SFTPA2: variants seen among roughly 807,000 people sequenced by gnomAD.
SFTPA2 encodes surfactant protein A2.
Under a neutral mutation model 20.3 loss-of-function variants are expected in SFTPA2, and 21 were observed. The observed-to-expected ratio is 1.03, with a 90% CI of 0.73 to 1.49. The LOEUF (loss-of-function observed/expected upper bound fraction) is 1.49, where lower values mean the gene tolerates loss of function less well. Among genes scored for constraint, SFTPA2 ranks in the 40% most tolerant of loss-of-function variants. The probability of loss-of-function intolerance (pLI) is 0.00; values close to 1 mark genes in which losing one functional copy is unlikely to be tolerated. For synonymous variants in SFTPA2, 116 were observed against 118.7 expected (o/e 0.98, Z 0.15); for missense variants, 302 against 314.8 (o/e 0.96, Z 0.31).
intron 4 of SFTPA2, 69 bp downstream of exon 4, chr10:79,558,817 A>AT (rs1164717841): frequency 8.1e-6 from 13 of 1,610,756 alleles, no homozygotes; most frequent in Admixed American, 1.7e-5. Flanking sequence ...GACCCCCATC[A>AT]CCCCTGTGTA....
chr10:79,558,819 C>A, intron 4 of SFTPA2, 67 bp downstream of exon 4: 5 of 1,611,102 alleles, frequency 3.1e-6, no homozygotes, highest in Non-Finnish European at 4.2e-6. Flanking sequence ...CCCCCATCAC[C>A]CCTGTGTAAC....
At chr10:79,559,290 G>A (rs1266608994) in intron 3 of SFTPA2, 22 bp downstream of exon 3, 7 of 1,613,478 alleles carry the variant, frequency 4.3e-6, no homozygotes, top group Admixed American at 1.7e-5. Context: ...CTCAGCTGAG[G>A]GTGGGGTCTG....
intron 3 of SFTPA2, 64 bp downstream of exon 3, chr10:79,559,248 C>T (rs992952944): frequency 1.1e-4 from 175 of 1,609,766 alleles, no homozygotes; most frequent in Non-Finnish European, 1.4e-4. Flanking sequence ...GGGGCCTGGA[C>T]AGATGGGCCT....
chr10:79,558,312 C>G (rs1055158400), intron 4 of SFTPA2, 183 bp from the exon 5 acceptor site: 1 of 943,496 alleles, frequency 1.1e-6, no homozygotes, highest in Admixed American at 6.2e-5. Flanking sequence ...CCGTGGTCCC[C>G]TATTCTTTAG....
chr10:79,557,337 T>G lies in SFTPA2; in HGVS notation c.619A>C (p.Asn207His). The change falls in exon 6 of 6, where the codon AAC (asparagine) becomes CAC (histidine). Residue 207 changes from asparagine to histidine, a missense_variant. Asn to His is a moderately conservative substitution (Grantham distance 68). Coordinates refer to ENST00000372325, the MANE Select transcript of SFTPA2 (RefSeq NM_001098668.4). Reference sequence around the variant, plus strand: ...TCCCCTCGGTACCAGTTGGTGTAGTTTACAGGGGTCCCATCTGAGTAGCGG... The same window carrying G: ...TCCCCTCGGTACCAGTTGGTGTAGTGTACAGGGGTCCCATCTGAGTAGCGG... ...DFRYSDGTPV[N>H]YTNWYRGEPA... 2.5e-6 allele frequency: 4 copies of G among 1,614,182 alleles called. No individual in the cohort carries two copies. The highest frequency in any genetic ancestry group is 3.4e-6 in the Non-Finnish European group (4 of 1,180,032).
chr10:79,557,290 C>T lies in SFTPA2; in HGVS notation c.666G>A (p.Glu222=). ...YRGEPAGRGK[E]QCVEMYTDGQ... ...CATCTGTGTACATCTCCACACACTGCTCTTTTCCCCGACCTGCAGGCTCCC... is the reference window on the plus strand; with the variant it reads ...CATCTGTGTACATCTCCACACACTGTTCTTTTCCCCGACCTGCAGGCTCCC... Residue 222 remains glutamate, a synonymous_variant, in exon 6 of 6, where the codon GAG becomes GAA. Coordinates refer to ENST00000372325, the MANE Select transcript of SFTPA2 (RefSeq NM_001098668.4). 3.1e-6 allele frequency: 5 copies of T among 1,614,188 alleles called. No individual in the cohort carries two copies. The highest frequency in any genetic ancestry group is 4.2e-6 in the Non-Finnish European group (5 of 1,180,030).
At position 79,556,960 on chromosome 10, in the gene SFTPA2, G is replaced by C. The variant is rs1687720080; in HGVS notation, c.*249C>G. ...GCCTCCATCTCATGCCAAAGGCCAA[G>C]GCTAGGAGTGGCTGCCTGGGGTGCA... On this transcript the variant is annotated 3_prime_UTR_variant, in exon 6 of 6. Transcript: ENST00000372325. 6.3e-6 allele frequency: 4 copies of C among 634,218 alleles called. No homozygotes were observed. The highest frequency in any genetic ancestry group is 8.0e-6 in the Non-Finnish European group (3 of 372,722). The allele number at this position is 634,218 out of a possible 1,614,324, so 39.3% of individuals were successfully genotyped here.
chr10:79,558,435 C>G (rs1858939684), intron 4 of SFTPA2, among the ~76,000 whole-genome samples: 1 of 152,122 alleles, frequency 6.6e-6, no homozygotes, highest in Non-Finnish European at 1.5e-5. Context: ...GCACCCTCCA[C>G]CAAGGGCAAG....
In SFTPA2 at chr10:79,558,979, G is replaced by A. The variant is rs1859003362; in HGVS notation, c.199C>T (p.Pro67Ser). Residue 67 changes from proline to serine, a missense_variant, in exon 4 of 6, where the codon CCA becomes TCA. By Grantham distance (74) the Pro-to-Ser change is moderately conservative (BLOSUM62 -1). Coordinates refer to ENST00000372325, the MANE Select transcript of SFTPA2 (RefSeq NM_001098668.4). ...PGPMGPPGET[P>S]CPPGNNGLPG... ...AGCCCATTATTCCCAGGAGGACATG[G>A]TGTTTCTCCAGGCGGACCCATGGGG... 2 of 1,614,172 alleles carry A rather than the reference G, an allele frequency of 1.2e-6. No individual in the cohort carries two copies. The highest frequency in any genetic ancestry group is 1.6e-4 in the Middle Eastern group (1 of 6,062).
Position 79,557,252 on chromosome 10 carries a change from T to G in SFTPA2, c.704A>C (p.Asp235Ala), listed in dbSNP as rs1278409724. The change falls in exon 6 of 6, where the codon GAC becomes GCC. Residue 235 changes from aspartate (D) to alanine (A), a missense_variant. Physicochemically the swap from Asp to Ala is moderately radical, Grantham distance 126. Around this residue, in one of 3 missense-constraint regions of SFTPA2, gnomAD observed 264 missense variants for 261.7 expected, o/e 1.01. Coordinates refer to ENST00000372325, the MANE Select transcript of SFTPA2 (RefSeq NM_001098668.4). The part of the protein sequence containing the change: ...VEMYTDGQWN[D>A]RNCLYSRLTI... The stretch of plus-strand genomic sequence containing the variant: ...CAGTCGGGAGTACAGGCAGTTCCTG[T>G]CATTCCACTGCCCATCTGTGTACAT... 1.2e-6 allele frequency: 2 copies of G among 1,614,152 alleles called. No homozygotes were observed. Among genetic ancestry groups the G allele is most frequent in the East Asian group, 2.2e-5 (1 of 44,866 alleles).
At position 79,557,232 on chromosome 10, in the gene SFTPA2, G is replaced by A. The variant is rs767959341; in HGVS notation, c.724C>T (p.Arg242Ter). Residue 242 changes from arginine (R) to a stop codon, truncating the protein, a stop_gained, in exon 6 of 6, where the codon CGA becomes TGA. Coordinates refer to ENST00000372325, the MANE Select transcript of SFTPA2 (RefSeq NM_001098668.4). LOFTEE classifies it high-confidence loss of function. Reference sequence around the variant, plus strand: ...TCTCAGAACTCACAGATGGTCAGTCGGGAGTACAGGCAGTTCCTGTCATTC... The same window carrying A: ...TCTCAGAACTCACAGATGGTCAGTCAGGAGTACAGGCAGTTCCTGTCATTC... ...QWNDRNCLYS[R>*]LTICEF is the part of the protein sequence containing the mutation. 2.5e-5 allele frequency: 40 copies of A among 1,613,998 alleles called. No homozygotes were observed. The highest frequency in any genetic ancestry group is 5.3e-5 in the African/African-American group (4 of 74,902).
chr10:79,558,605 C>T (rs923858897), intron 4 of SFTPA2, among the ~76,000 whole-genome samples: 1 of 152,152 alleles, frequency 6.6e-6, no homozygotes, highest in African/African-American at 2.4e-5. Context: ...GACATGCCTC[C>T]CCTGCCTCCC....
At chr10:79,558,294 T>C in intron 4 of SFTPA2, 165 bp from the exon 5 acceptor site, 1 of 975,698 alleles carries the variant, frequency 1.0e-6, no homozygotes, top group Non-Finnish European at 1.2e-6. Context: ...CCAGTGTGTC[T>C]CCACACCCCG....
rs368692678 is a variant in SFTPA2, at chr10:79,559,440, G to T, written c.44C>A (p.Ala15Asp). ...PLALTLILMA[A>D]SGAACEVKDV... ...CTTCACTTCGCACGCAGCACCAGAG[G>T]CTGCCATCAAGATGAGGGTGAGGGC... Residue 15 changes from alanine (A) to aspartate (D), a missense_variant, in exon 3 of 6, where the codon GCC (alanine) becomes GAC (aspartate). Around this residue, in one of 3 missense-constraint regions of SFTPA2, gnomAD observed 31 missense variants for 29.8 expected, o/e 1.04. Transcript: ENST00000372325. The T allele has an allele frequency of 1.2e-5, 19 of 1,613,458 alleles. No homozygotes were observed. Among genetic ancestry groups the T allele is most frequent in the African/African-American group, 1.3e-5 (1 of 74,776 alleles).
intron 1 of SFTPA2, 40 bp from the exon 2 acceptor site, chr10:79,560,038 C>T (rs1481803340): frequency 9.1e-6 from 10 of 1,098,818 alleles, no homozygotes; most frequent in African/African-American, 3.3e-5. Flanking sequence ...ACAGCCTGGA[C>T]CCTTCAAGGT....
In SFTPA2 at chr10:79,556,133, C is replaced by T. The variant is rs968582845; in HGVS notation, c.*1076G>A. ...TAAAAGATTTTGTCAAGGTGTGTGG[C>T]ACATGGTATGTGCTCGGTCAATAGC... On this transcript the variant is annotated 3_prime_UTR_variant, in exon 6 of 6. Transcript: ENST00000372325. The T allele has an allele frequency of 6.0e-6, 1 of 166,784 alleles. No individual in the cohort carries two copies. The highest frequency in any genetic ancestry group is 2.4e-5 in the African/African-American group (1 of 41,444). 10.3% of individuals were successfully genotyped at this position (166,784 alleles called of 1,614,324 possible).
At chr10:79,558,185 C>T in intron 4 of SFTPA2, 56 bp from the exon 5 acceptor site, 1 of 1,613,374 alleles carries the variant, frequency 6.2e-7, no homozygotes. Flanking sequence ...CTCCCACTTG[C>T]TGCCACGCAG....
intron 1 of SFTPA2, 123 bp from the exon 2 acceptor site, chr10:79,560,121 C>T: frequency 1.4e-6 from 1 of 725,814 alleles, no homozygotes; most frequent in Non-Finnish European, 1.7e-6. Flanking sequence ...TGTTCTCCCA[C>T]TCCCCCTGCT....
intron 4 of SFTPA2, 99 bp from the exon 5 acceptor site, chr10:79,558,228 C>G: frequency 6.2e-7 from 1 of 1,607,494 alleles, no homozygotes; most frequent in Non-Finnish European, 8.5e-7. Flanking sequence ...GGAACTCTGC[C>G]CTTTCATTGC....
Sources: allele counts gnomAD v4.1 joint callset (sites outside exome capture counted in the v4.1 genomes callset), GRCh38; gene constraint gnomAD v4.1.1; regional missense constraint gnomAD v4.1.1; transcripts MANE v1.5; gene names NCBI Gene and HGNC (gene_info 2026-07-23, HGNC 2026-07-21).